Variants in AKAP6 observed in about 807,000 individuals in gnomAD.
AKAP6 encodes the protein A-kinase anchoring protein 6, also known as A-kinase anchor protein 6.
A neutral mutation model predicts 188.5 loss-of-function variants in AKAP6; 58 were observed. That is an observed-to-expected ratio of 0.31 (90% CI 0.25 to 0.38). The LOEUF (loss-of-function observed/expected upper bound fraction) is 0.38. Among genes scored for constraint, AKAP6 ranks in the 10% least tolerant of loss-of-function variants. The pLI, the probability that AKAP6 is intolerant of heterozygous loss-of-function variation, is 1.00. For missense variants in AKAP6, 2,710 were observed against 2,740.0 expected (o/e 0.99, Z 0.24); for synonymous variants, 989 against 998.6 (o/e 0.99, Z 0.18).
chr14:32,648,856 C>A (rs1158156030), intron 7 of AKAP6, among the ~76,000 whole-genome samples: 2 of 151,938 alleles, frequency 1.3e-5, no homozygotes, highest in African/African-American at 2.4e-5. Flanking sequence ...GGCGGTACCT[C>A]TACTGAAAAA....
intron 12 of AKAP6, among the ~76,000 whole-genome samples, chr14:32,785,476 C>T (rs1594942891): frequency 1.3e-5 from 2 of 152,030 alleles, no homozygotes; most frequent in South Asian, 4.2e-4. Context: ...ATGTTTTTTA[C>T]TTTTAAAATA....
intron 5 of AKAP6, among the ~76,000 whole-genome samples, chr14:32,593,011 A>ACACAC (rs1555343002): frequency 6.5e-5 from 8 of 123,800 alleles, no homozygotes; most frequent in East Asian, 2.2e-4. Context: ...CCCCCACCCC[A>ACACAC]ACACACACAC....
chr14:32,798,783 C>A (rs12892892), intron 12 of AKAP6, among the ~76,000 whole-genome samples: 14 of 152,008 alleles, frequency 9.2e-5, no homozygotes, highest in Non-Finnish European at 1.5e-4. Context: ...GTACTTATTA[C>A]CTGGGTAACA....
At chr14:32,611,718 G>A (rs887998279) in intron 7 of AKAP6, among the ~76,000 whole-genome samples, 4 of 152,156 alleles carry the variant, frequency 2.6e-5, no homozygotes, top group Non-Finnish European at 5.9e-5. Context: ...GGCAGCTGGG[G>A]AATGGTATTA....
intron 1 of AKAP6, among the ~76,000 whole-genome samples, chr14:32,406,851 T>A (rs1193359040): frequency 6.6e-6 from 1 of 152,170 alleles, no homozygotes; most frequent in Non-Finnish European, 1.5e-5. Context: ...TGTCTTATCC[T>A]TACAGATTTT....
At chr14:32,520,045 C>T (rs1224129027) in intron 2 of AKAP6, among the ~76,000 whole-genome samples, 1 of 152,200 alleles carries the variant, frequency 6.6e-6, no homozygotes, top group Admixed American at 6.5e-5. Context: ...AAGAAACTCA[C>T]TCAAAACTGC....
intron 7 of AKAP6, among the ~76,000 whole-genome samples, chr14:32,652,584 G>A (rs1322101906): frequency 6.6e-6 from 1 of 152,096 alleles, no homozygotes; most frequent in Non-Finnish European, 1.5e-5. Flanking sequence ...AATATATTTT[G>A]CATTTTCTTT....
intron 2 of AKAP6, among the ~76,000 whole-genome samples, chr14:32,487,514 C>T (rs1879769002): frequency 6.6e-6 from 1 of 152,226 alleles, no homozygotes; most frequent in African/African-American, 2.4e-5. Context: ...AGGAGTTTGT[C>T]ATTACCCACC....
chr14:32,571,180 A>C (rs1337107579), intron 4 of AKAP6, among the ~76,000 whole-genome samples: 1 of 152,048 alleles, frequency 6.6e-6, no homozygotes, highest in Non-Finnish European at 1.5e-5. Context: ...AGATGAGAGC[A>C]TAATAGTTTA....
chr14:32,559,378 A>G (rs527679588), intron 4 of AKAP6, among the ~76,000 whole-genome samples: 1 of 152,244 alleles, frequency 6.6e-6, no homozygotes, highest in South Asian at 2.1e-4. Context: ...GAATTTTTAA[A>G]AAGAAGGAAG....
At position 32,822,536 on chromosome 14, in the gene AKAP6, G is replaced by T; in HGVS notation, c.4723G>T (p.Gly1575Cys). The T allele has an allele frequency of 6.2e-7, 1 of 1,614,002 alleles. No homozygotes were observed. Among genetic ancestry groups the T allele is most frequent in the Non-Finnish European group, 8.5e-7 (1 of 1,179,950 alleles). ...SSSIESLSPG[G>C]DLFGLGIFKN... ...ATCTATTGAGTCCCTTTCTCCAGGG[G>T]GTGATTTATTTGGATTGGGCATCTT... Residue 1575 changes from glycine to cysteine, a missense_variant, in exon 13 of 14, where the codon GGT (glycine) becomes TGT (cysteine). By Grantham distance (159) the Gly-to-Cys change is radical. Transcript: ENST00000280979.
chr14:32,659,163 A>G (rs1187428157), intron 7 of AKAP6, among the ~76,000 whole-genome samples: 1 of 152,156 alleles, frequency 6.6e-6, no homozygotes, highest in East Asian at 1.9e-4. Context: ...CTGTTGCTAC[A>G]TTCATGGCTG....
intron 1 of AKAP6, among the ~76,000 whole-genome samples, chr14:32,396,729 C>G (rs971940960): frequency 6.6e-6 from 1 of 151,964 alleles, no homozygotes. Flanking sequence ...TCACTGGGAG[C>G]CTGAGGGTGA....
intron 8 of AKAP6, among the ~76,000 whole-genome samples, chr14:32,683,539 G>A (rs11156756): frequency 0.23 from 34,336 of 152,042 alleles, 4,764 homozygotes; most frequent in East Asian, 0.58. Context: ...GTGTCATCCA[G>A]CATGTGATAT....
chr14:32,517,119 C>T (rs999215742), intron 2 of AKAP6, among the ~76,000 whole-genome samples: 1 of 152,150 alleles, frequency 6.6e-6, no homozygotes, highest in African/African-American at 2.4e-5. Flanking sequence ...AGTTGGTTAC[C>T]TTCTGAATAT....
At chr14:32,340,182 G>T (rs1009411422) in intron 1 of AKAP6, among the ~76,000 whole-genome samples, 4 of 151,492 alleles carry the variant, frequency 2.6e-5, no homozygotes, top group African/African-American at 9.7e-5. Flanking sequence ...TTTATTTTAT[G>T]ATAATAAAAC....
chr14:32,618,942 A>T (rs1312992045), intron 7 of AKAP6, among the ~76,000 whole-genome samples: 1 of 152,106 alleles, frequency 6.6e-6, no homozygotes, highest in African/African-American at 2.4e-5. Context: ...CAGTGATTTT[A>T]AGCATTTTTT....
intron 7 of AKAP6, among the ~76,000 whole-genome samples, chr14:32,619,932 C>G (rs139227774): frequency 1.4e-3 from 220 of 151,968 alleles, no homozygotes; most frequent in Non-Finnish European, 2.5e-3. Context: ...TATTTTATTT[C>G]ATTTGCAGCT....
chr14:32,546,012 C>G lies in AKAP6; in HGVS notation c.1359C>G (p.Ser453Arg). The change falls in exon 4 of 14, where the codon AGC becomes AGG. Residue 453 changes from serine (S) to arginine (R), a missense_variant. By Grantham distance (110) the Ser-to-Arg change is moderately radical (BLOSUM62 -1). This residue lies in a region of AKAP6 where 2,473 missense variants were observed against 2,426.1 expected (regional missense o/e 1.02). Transcript: ENST00000280979. ...SSYPNSPSAA[S>R]QSYECLHKVG... ...ACCCCAACAGCCCTTCTGCTGCCAG[C>G]CAGTCTTATGAGTGTTTACACAAGG... 1.2e-6 allele frequency: 2 copies of G among 1,614,114 alleles called. No individual in the cohort carries two copies. Among genetic ancestry groups the G allele is most frequent in the Non-Finnish European group, 1.7e-6 (2 of 1,180,014 alleles).
Sources: allele counts gnomAD v4.1 joint callset (sites outside exome capture counted in the v4.1 genomes callset), GRCh38; gene constraint gnomAD v4.1.1; regional missense constraint gnomAD v4.1.1; transcripts MANE v1.5; gene names NCBI Gene and HGNC (gene_info 2026-07-23, HGNC 2026-07-21).